BAIAP3: variants seen among roughly 807,000 people sequenced by gnomAD.
The protein encoded by BAIAP3 is BAI1-associated protein 3.
In BAIAP3, 180 loss-of-function variants were observed where a neutral mutation model predicts 149.7. That is an observed-to-expected ratio of 1.20 (90% CI 1.07 to 1.36). The LOEUF (loss-of-function observed/expected upper bound fraction) is 1.36, where lower values mean the gene tolerates loss of function less well. Among genes scored for constraint, BAIAP3 ranks in the 40% most tolerant of loss-of-function variants. BAIAP3 has a pLI of 0.00. For synonymous variants in BAIAP3, 845 were observed against 670.7 expected (o/e 1.26, Z -4.02); for missense variants, 1,767 against 1,563.4 (o/e 1.13, Z -2.20).
At chr16:1,340,562 C>T (rs543602667) in intron 5 of BAIAP3, among the ~76,000 whole-genome samples, 1 of 152,286 alleles carries the variant, frequency 6.6e-6, no homozygotes, top group South Asian at 2.1e-4. Context: ...CAGGTGCACA[C>T]AGACACACAC....
At chr16:1,343,884 C>T in intron 15 of BAIAP3, 138 bp from the exon 16 acceptor site, 4 of 1,362,626 alleles carry the variant, frequency 2.9e-6, no homozygotes, top group Non-Finnish European at 4.0e-6. Context: ...GCCGACTGGG[C>T]CTGTGGAGGG....
At position 1,338,883 on chromosome 16, in the gene BAIAP3, G is replaced by A. The variant is rs764919514; in HGVS notation, c.132-19G>A. The A allele has an allele frequency of 8.1e-6, 13 of 1,612,526 alleles. No individual in the cohort carries two copies. Among genetic ancestry groups the A allele is most frequent in the Non-Finnish European group, 2.5e-6 (3 of 1,179,770 alleles). ...GCCAGCGTGCTGAGAGCTGTGAGCT[G>A]ACCCGGCTCTTTCTCCAGGAAACCC... On this transcript the variant is annotated intron_variant, in intron 2 of 33. Coordinates refer to ENST00000426824, the MANE Select transcript of BAIAP3 (RefSeq NM_001199097.2).
chr16:1,337,597 G>A (rs1442216531), intron 1 of BAIAP3, among the ~76,000 whole-genome samples: 1 of 152,202 alleles, frequency 6.6e-6, no homozygotes, highest in Non-Finnish European at 1.5e-5. Flanking sequence ...CCTTCCAGGG[G>A]GCTTCCGGGT....
chr16:1,341,380 G>C lies in BAIAP3; in HGVS notation c.622G>C (p.Gly208Arg). 6.2e-7 allele frequency: 1 copy of C among 1,612,576 alleles called. No homozygotes were observed. The highest frequency in any genetic ancestry group is 1.7e-4 in the Middle Eastern group (1 of 6,060). Residue 208 changes from glycine to arginine, a missense_variant, in exon 8 of 34, where the codon GGC becomes CGC. Coordinates refer to ENST00000426824, the MANE Select transcript of BAIAP3 (RefSeq NM_001199097.2). ...CCGTGCACAGAAGGAGCAGCGCTTCGGCTTCCGCAAGGGCAGCAAGCGCGG... is the reference window on the plus strand; with the variant it reads ...CCGTGCACAGAAGGAGCAGCGCTTCCGCTTCCGCAAGGGCAGCAAGCGCGG... Reference protein sequence around the residue: ...EPRAQKEQRFGFRKGSKRGGP... With the variant: ...EPRAQKEQRFRFRKGSKRGGP...
At chr16:1,336,855 A>G (rs1198777295) in intron 1 of BAIAP3, among the ~76,000 whole-genome samples, 2 of 152,110 alleles carry the variant, frequency 1.3e-5, no homozygotes, top group Non-Finnish European at 2.9e-5. Flanking sequence ...CCCAGCCCGG[A>G]GGCACCCTCC....
chr16:1,340,439 G>GCACACA (rs1284270309), intron 5 of BAIAP3, among the ~76,000 whole-genome samples: 1 of 56,018 alleles, frequency 1.8e-5, no homozygotes, highest in Non-Finnish European at 4.4e-5. Context: ...ACACAGACAT[G>GCACACA]CACACAGGTT....
chr16:1,334,195 C>A (rs1339068460), intron 1 of BAIAP3, among the ~76,000 whole-genome samples: 2 of 152,072 alleles, frequency 1.3e-5, no homozygotes, highest in African/African-American at 4.8e-5. Flanking sequence ...TTCCCTCCTC[C>A]CGCAGGTCCT....
Position 1,345,269 on chromosome 16 carries a change from T to G in BAIAP3, c.1961T>G (p.Leu654Arg), listed in dbSNP as rs542555781. ...IPGRDSRSLA[L>R]AGIHAPFLPA... ...CACAGGGACAGCCGCTCTCTGGCCCTGGCTGGCATCCACGCCCCCTTCCTG... is the reference window on the plus strand; with the variant it reads ...CACAGGGACAGCCGCTCTCTGGCCCGGGCTGGCATCCACGCCCCCTTCCTG... The change falls in exon 22 of 34, where the codon CTG (leucine) becomes CGG (arginine). Residue 654 changes from leucine to arginine, a missense_variant. By Grantham distance (102) the Leu-to-Arg change is moderately radical. Coordinates refer to ENST00000426824, the MANE Select transcript of BAIAP3 (RefSeq NM_001199097.2). 2 of 1,613,124 alleles carry G rather than the reference T, an allele frequency of 1.2e-6. No homozygotes were observed. Among genetic ancestry groups the G allele is most frequent in the African/African-American group, 2.7e-5 (2 of 74,998 alleles).
chr16:1,345,447 A>AGCCTCCCCAGCAACCCCC lies in BAIAP3; in HGVS notation c.2064+76_2064+93dup, dbSNP rs1567169583. 1.8e-5 allele frequency: 19 copies of AGCCTCCCCAGCAACCCCC among 1,033,922 alleles called. No individual in the cohort carries two copies. In the East Asian group the frequency reaches 9.9e-4, roughly 54 times the overall value. 64.0% of individuals were successfully genotyped at this position (1,033,922 alleles called of 1,614,324 possible). ...CCTCCCCCGCCTCCCCAGCAACCCC[A>AGCCTCCCCAGCAACCCCC]GCCTCCCCAGCAACCCCCAGCCTCC... On this transcript the variant is annotated intron_variant, in intron 22 of 33. Transcript: ENST00000426824.
At position 1,339,145 on chromosome 16, in the gene BAIAP3, C is replaced by G. The variant is rs1233743499; in HGVS notation, c.220-19C>G. On this transcript the variant is annotated intron_variant, in intron 3 of 33. Transcript: ENST00000426824. ...GCTCTCCCTGCCGTCAGAGCCCTCA[C>G]CCTGGGCCCCACACACAGGTCCCCC... 2 of 1,567,536 alleles carry G rather than the reference C, an allele frequency of 1.3e-6. No homozygotes were observed. The highest frequency in any genetic ancestry group is 8.6e-7 in the Non-Finnish European group (1 of 1,157,470).
intron 5 of BAIAP3, 125 bp downstream of exon 5, chr16:1,339,728 G>C (rs1596565064): frequency 6.3e-6 from 5 of 796,884 alleles, no homozygotes; most frequent in East Asian, 2.7e-5. Flanking sequence ...ACAGCACACA[G>C]AGACGGCTGC....
In BAIAP3 at chr16:1,338,528, T is replaced by C; in HGVS notation, c.-10-12T>C. 7.2e-7 allele frequency: 1 copy of C among 1,394,898 alleles called. No individual in the cohort carries two copies. The highest frequency in any genetic ancestry group is 3.8e-5 in the East Asian group (1 of 26,064). 86.4% of individuals were successfully genotyped at this position (1,394,898 alleles called of 1,614,324 possible). A position where few individuals can be genotyped will look rare whatever the true frequency, so the allele number is the denominator to read the frequency against. ...GACGACCTGAGGCTGCGGGCTGTGC[T>C]CTCTGCTGTAGGTCACCCGCCATGT... is the stretch of plus-strand genomic sequence containing the variant. On this transcript the variant is annotated splice_polypyrimidine_tract_variant and intron_variant, in intron 1 of 33. Coordinates refer to ENST00000426824, the MANE Select transcript of BAIAP3 (RefSeq NM_001199097.2).
chr16:1,344,996 G>GA lies in BAIAP3; in HGVS notation c.1838dup (p.Glu614GlyfsTer16), dbSNP rs1195102683. On this transcript the variant is annotated frameshift_variant, in exon 21 of 34. Coordinates refer to ENST00000426824, the MANE Select transcript of BAIAP3 (RefSeq NM_001199097.2). LOFTEE classifies it high-confidence loss of function. ...GGCTGAGGAGGCGTGGGTGCTGACGGAGGAGCTGAGCCCCAAGATGACCCT... is the reference window on the plus strand; with the variant it reads ...GGCTGAGGAGGCGTGGGTGCTGACGGAAGGAGCTGAGCCCCAAGATGACCCT... 3 of 1,612,678 alleles carry GA rather than the reference G, an allele frequency of 1.9e-6. No homozygotes were observed. The highest frequency in any genetic ancestry group is 2.7e-5 in the African/African-American group (2 of 74,890).
intron 14 of BAIAP3, 47 bp from the exon 15 acceptor site, chr16:1,343,346 G>C: frequency 6.4e-7 from 1 of 1,561,930 alleles, no homozygotes; most frequent in Non-Finnish European, 8.7e-7. Context: ...GAGTGGGCAT[G>C]GCAGGGGCGG....
chr16:1,342,153 C>T (rs2033966169), intron 10 of BAIAP3, 28 bp from the exon 11 acceptor site: 6 of 1,581,578 alleles, frequency 3.8e-6, no homozygotes, highest in Non-Finnish European at 4.3e-6. Context: ...GAGCCATCAG[C>T]GTGATGCTCA....
chr16:1,334,523 A>C (rs1302827947), intron 1 of BAIAP3: 3 of 708,938 alleles, frequency 4.2e-6, no homozygotes, highest in Non-Finnish European at 7.2e-6. Flanking sequence ...CGAGGGGAGG[A>C]AGAAGGCGCC....
At chr16:1,338,211 G>A (rs2033600816) in intron 1 of BAIAP3, among the ~76,000 whole-genome samples, 1 of 152,084 alleles carries the variant, frequency 6.6e-6, no homozygotes, top group South Asian at 2.1e-4. Context: ...GGGCGAGTGT[G>A]GCAACCGCCT....
intron 3 of BAIAP3, 50 bp from the exon 4 acceptor site, chr16:1,339,114 C>A: frequency 1.3e-6 from 2 of 1,577,928 alleles, no homozygotes; most frequent in Non-Finnish European, 1.7e-6. Context: ...CTGCTGCAGG[C>A]CTGGGGCTCT....
intron 4 of BAIAP3, 50 bp from the exon 5 acceptor site, chr16:1,339,446 G>C: frequency 6.4e-7 from 1 of 1,559,258 alleles, no homozygotes. Flanking sequence ...TGCTGCTGAG[G>C]GCTGGGGGCC....
Sources: allele counts gnomAD v4.1 joint callset (sites outside exome capture counted in the v4.1 genomes callset), GRCh38; gene constraint gnomAD v4.1.1; transcripts MANE v1.5; gene names NCBI Gene and HGNC (gene_info 2026-07-23, HGNC 2026-07-21).